The following CNR2 variants were observed in gnomAD, a reference collection of about 807,000 sequenced individuals.
The protein encoded by CNR2 is cannabinoid receptor 2, also known as cannabinoid receptor 2 (macrophage).
For missense variants in CNR2, 379 were observed against 439.9 expected, an observed-to-expected ratio of 0.86 and a Z score of 1.24; for synonymous variants, 172 against 182.2, an observed-to-expected ratio of 0.94 and a Z score of 0.45.
Position 23,875,299 on chromosome 1 carries a change from G to A in CNR2, c.319C>T (p.Leu107=), listed in dbSNP as rs200980366. The A allele has an allele frequency of 3.1e-6, 5 of 1,614,214 alleles. No individual in the cohort carries two copies. Among genetic ancestry groups the A allele is most frequent in the Non-Finnish European group, 4.2e-6 (5 of 1,180,050 alleles). Residue 107 remains leucine, a synonymous_variant, in exon 2 of 2, where the codon CTG becomes TTG. Coordinates refer to ENST00000374472, the MANE Select transcript of CNR2 (RefSeq NM_001841.3). ...ATAGTCACGCTGCCAATCTTCAGCA[G>A]GAAGACAGCCTTGGAATCCACACCA... ...FHGVDSKAVF[L]LKIGSVTMTF...
chr1:23,884,520 G>A (rs369788995), intron 1 of CNR2, among the ~76,000 whole-genome samples: 9 of 151,184 alleles, frequency 6.0e-5, no homozygotes, highest in African/African-American at 2.2e-4. Flanking sequence ...TGGCCAGGCT[G>A]GTATCGAACT....
intron 1 of CNR2, among the ~76,000 whole-genome samples, chr1:23,912,293 G>A (rs528714461): frequency 6.6e-6 from 1 of 152,308 alleles, no homozygotes; most frequent in East Asian, 1.9e-4. Flanking sequence ...CACCAAAGCA[G>A]ACCCCTGGCC....
intron 1 of CNR2, among the ~76,000 whole-genome samples, chr1:23,895,235 T>C (rs953701866): frequency 5.9e-5 from 9 of 151,970 alleles, no homozygotes; most frequent in Non-Finnish European, 1.0e-4. Flanking sequence ...AGAAAAGAAA[T>C]CTGCCAACAG....
At chr1:23,903,031 C>A (rs2148469989) in intron 1 of CNR2, among the ~76,000 whole-genome samples, 1 of 151,778 alleles carries the variant, frequency 6.6e-6, no homozygotes, top group South Asian at 2.1e-4. Context: ...GGAGGTCGGG[C>A]GCTGAGCGAC....
chr1:23,886,388 T>C (rs1298976130), intron 1 of CNR2, among the ~76,000 whole-genome samples: 2 of 152,220 alleles, frequency 1.3e-5, no homozygotes, highest in East Asian at 3.9e-4. Flanking sequence ...GATTTCTATC[T>C]GTCGAAAGGG....
rs765174269 is a variant in CNR2, at chr1:23,875,262, G to T, written c.356C>A (p.Ala119Asp). ...GGTCAGCAGGAGGCTACCCACAGAG[G>T]CTGTGAAGGTCATAGTCACGCTGCC... ...KIGSVTMTFT[A>D]SVGSLLLTAI... Residue 119 changes from alanine (A) to aspartate (D), a missense_variant, in exon 2 of 2, where the codon GCC becomes GAC. Coordinates refer to ENST00000374472, the MANE Select transcript of CNR2 (RefSeq NM_001841.3). The T allele has an allele frequency of 6.2e-7, 1 of 1,614,196 alleles. No homozygotes were observed. Among genetic ancestry groups the T allele is most frequent in the Non-Finnish European group, 8.5e-7 (1 of 1,180,048 alleles).
chr1:23,905,670 A>C (rs1489603366), intron 1 of CNR2, among the ~76,000 whole-genome samples: 1 of 152,104 alleles, frequency 6.6e-6, no homozygotes, highest in African/African-American at 2.4e-5. Context: ...CAAAGGGACA[A>C]GCTGGGCAGA....
At chr1:23,896,567 T>G (rs555703687) in intron 1 of CNR2, among the ~76,000 whole-genome samples, 5 of 152,314 alleles carry the variant, frequency 3.3e-5, no homozygotes, top group African/African-American at 1.2e-4. Flanking sequence ...TGGTAACCAA[T>G]GAGAGTGACG....
chr1:23,905,190 C>CA lies in CNR2; in HGVS notation c.-46+8055_-46+8056insT, dbSNP rs1553142783. The stretch of plus-strand genomic sequence containing the variant: ...ACTTAACTTTTCTTTTCTTTTCTTT[C>CA]TTTTTTTTTTTTTGAGATGAGTCTG... On this transcript the variant is annotated intron_variant, in intron 1 of 1. Transcript: ENST00000374472. 2.7e-3 allele frequency among the ~76,000 whole-genome samples: 381 copies of CA among 143,244 alleles called. 8 individuals are homozygous for CA. The highest frequency in any genetic ancestry group is 7.0e-4 in the Non-Finnish European group (46 of 65,608). 94.0% of individuals were successfully genotyped at this position (143,244 alleles called of 152,430 possible).
intron 1 of CNR2, among the ~76,000 whole-genome samples, chr1:23,910,560 A>G (rs2148472810): frequency 6.9e-6 from 1 of 144,978 alleles, no homozygotes; most frequent in South Asian, 2.3e-4. Flanking sequence ...AGGCTGAGGC[A>G]GGAGAATCGC....
chr1:23,880,389 G>A (rs1053149586), intron 1 of CNR2, among the ~76,000 whole-genome samples: 1 of 151,914 alleles, frequency 6.6e-6, no homozygotes, highest in Admixed American at 6.6e-5. Context: ...GTGTTAGTCA[G>A]GCTGGTCTTG....
At chr1:23,905,894 T>C (rs1210362147) in intron 1 of CNR2, among the ~76,000 whole-genome samples, 2 of 152,170 alleles carry the variant, frequency 1.3e-5, no homozygotes, top group Non-Finnish European at 2.9e-5. Flanking sequence ...GGCCTGGGAT[T>C]TGGGATCTAG....
chr1:23,875,290 T>C lies in CNR2; in HGVS notation c.328A>G (p.Ile110Val). The C allele has an allele frequency of 6.2e-7, 1 of 1,614,156 alleles. No individual in the cohort carries two copies. Among genetic ancestry groups the C allele is most frequent in the Non-Finnish European group, 8.5e-7 (1 of 1,180,032 alleles). Residue 110 changes from isoleucine (I) to valine (V), a missense_variant, in exon 2 of 2, where the codon ATT (isoleucine) becomes GTT (valine). Coordinates refer to ENST00000374472, the MANE Select transcript of CNR2 (RefSeq NM_001841.3). ...VDSKAVFLLKIGSVTMTFTAS... is the reference protein window; with the variant it reads ...VDSKAVFLLKVGSVTMTFTAS... Reference sequence around the variant, plus strand: ...GTGAAGGTCATAGTCACGCTGCCAATCTTCAGCAGGAAGACAGCCTTGGAA... The same window carrying C: ...GTGAAGGTCATAGTCACGCTGCCAACCTTCAGCAGGAAGACAGCCTTGGAA...
chr1:23,889,562 A>G (rs552825767), intron 1 of CNR2, among the ~76,000 whole-genome samples: 7 of 152,312 alleles, frequency 4.6e-5, no homozygotes, highest in African/African-American at 1.7e-4. Context: ...GGCCTCAAGC[A>G]GTCCTTCCAC....
At position 23,902,738 on chromosome 1, in the gene CNR2, G is replaced by A. The variant is rs576231692; in HGVS notation, c.-46+10508C>T. 796 of 1,551,012 alleles carry A rather than the reference G, an allele frequency of 5.1e-4. 8 individuals are homozygous for A. The African/African-American group carries it at 9.7e-3, about 19-fold the overall frequency. ...GCGCGTTCCTCTCGCGCAGCGTGGG[G>A]GACCGCGCCATTTGGGGCTCTCCGG... On this transcript the variant is annotated intron_variant, in intron 1 of 1. Transcript: ENST00000374472.
intron 1 of CNR2, among the ~76,000 whole-genome samples, chr1:23,893,641 A>G (rs1445959975): frequency 6.6e-6 from 1 of 152,246 alleles, no homozygotes; most frequent in African/African-American, 2.4e-5. Context: ...GGATCTATCC[A>G]GAAGCCACCT....
Position 23,874,384 on chromosome 1 carries a change from G to C in CNR2, c.*151C>G. ...TGGGCAAGGCCAGGCTGTCTTCCAG[G>C]AGTCAGTCCCAACACTCATCAGCAA... On this transcript the variant is annotated 3_prime_UTR_variant, in exon 2 of 2. Coordinates refer to ENST00000374472, the MANE Select transcript of CNR2 (RefSeq NM_001841.3). The C allele has an allele frequency of 1.2e-6, 1 of 835,236 alleles. No homozygotes were observed. The highest frequency in any genetic ancestry group is 1.9e-6 in the Non-Finnish European group (1 of 535,628). The allele number at this position is 835,236 out of a possible 1,614,324, so 51.7% of individuals were successfully genotyped here.
At chr1:23,893,542 T>G (rs1026597344) in intron 1 of CNR2, among the ~76,000 whole-genome samples, 1 of 152,210 alleles carries the variant, frequency 6.6e-6, no homozygotes, top group East Asian at 1.9e-4. Context: ...GATTGAACTA[T>G]CAAGAGTGTT....
chr1:23,911,013 G>A (rs1262727338), intron 1 of CNR2, among the ~76,000 whole-genome samples: 1 of 152,108 alleles, frequency 6.6e-6, no homozygotes, highest in Non-Finnish European at 1.5e-5. Context: ...AGGGCTGCCT[G>A]TCTCTTTTCA....
Sources: allele counts gnomAD v4.1 joint callset (sites outside exome capture counted in the v4.1 genomes callset), GRCh38; gene constraint gnomAD v4.1.1; transcripts MANE v1.5; gene names NCBI Gene and HGNC (gene_info 2026-07-23, HGNC 2026-07-21).